The following CADM1 variants were observed in gnomAD, a reference collection of about 807,000 sequenced individuals.
The protein encoded by CADM1 is cell adhesion molecule 1, also known as TSLC-1.
In CADM1, 15 loss-of-function variants were observed where a neutral mutation model predicts 53.1. The observed-to-expected ratio is 0.28, with a 90% confidence interval of 0.19 to 0.44. CADM1 has a LOEUF of 0.44. Among genes scored for constraint, CADM1 ranks in the 20% least tolerant of loss-of-function variants. The pLI, the probability that CADM1 is intolerant of heterozygous loss-of-function variation, is 1.00. For missense variants in CADM1, 434 were observed against 611.3 expected (o/e 0.71, Z 3.06); for synonymous variants, 281 against 243.0 (o/e 1.16, Z -1.45).
At chr11:115,408,024 TG>T (rs894970952) in intron 1 of CADM1, among the ~76,000 whole-genome samples, 1 of 151,754 alleles carries the variant, frequency 6.6e-6, no homozygotes, top group Non-Finnish European at 1.5e-5. Context: ...GGCTGGGTGT[TG>T]GGGGGTGGTA....
intron 1 of CADM1, among the ~76,000 whole-genome samples, chr11:115,503,642 G>A (rs1413673854): frequency 1.3e-5 from 2 of 152,202 alleles, no homozygotes; most frequent in African/African-American, 2.4e-5. Context: ...CGAGGGGGCG[G>A]AGGGCTGCGA....
At chr11:115,306,399 TAAC>T (rs1944376124) in intron 1 of CADM1, among the ~76,000 whole-genome samples, 1 of 151,992 alleles carries the variant, frequency 6.6e-6, no homozygotes, top group South Asian at 2.1e-4. Context: ...CAAAATTGCC[TAAC>T]AACACATTTC....
intron 1 of CADM1, among the ~76,000 whole-genome samples, chr11:115,340,544 A>G (rs1945400627): frequency 6.9e-6 from 1 of 145,524 alleles, no homozygotes; most frequent in Non-Finnish European, 1.5e-5. Flanking sequence ...AAGCCAGGTC[A>G]TAATATACGC....
intron 1 of CADM1, among the ~76,000 whole-genome samples, chr11:115,418,159 G>T (rs537303207): frequency 1.3e-5 from 2 of 152,138 alleles, no homozygotes; most frequent in Admixed American, 1.3e-4. Context: ...GAGAACATTT[G>T]CCTTGCCCAT....
chr11:115,382,481 A>G (rs1946602959), intron 1 of CADM1, among the ~76,000 whole-genome samples: 1 of 152,216 alleles, frequency 6.6e-6, no homozygotes, highest in African/African-American at 2.4e-5. Context: ...TTCAAGAAGA[A>G]CAGTGCTAAA....
intron 1 of CADM1, among the ~76,000 whole-genome samples, chr11:115,352,302 C>T (rs540337427): frequency 1.7e-4 from 26 of 152,264 alleles, no homozygotes; most frequent in Admixed American, 2.6e-4. Context: ...CTTGTCAGCA[C>T]GGAATGATGA....
chr11:115,448,559 A>AT (rs1461300924), intron 1 of CADM1, among the ~76,000 whole-genome samples: 1 of 146,410 alleles, frequency 6.8e-6, no homozygotes, highest in Non-Finnish European at 1.5e-5. Flanking sequence ...AGTAGTAACC[A>AT]TTTTTTCTCA....
intron 1 of CADM1, among the ~76,000 whole-genome samples, chr11:115,488,694 G>C (rs754274168): frequency 3.9e-5 from 6 of 152,176 alleles, no homozygotes; most frequent in Non-Finnish European, 8.8e-5. Flanking sequence ...CCTACTTTCT[G>C]TTTAAAGCTA....
At chr11:115,392,847 A>G (rs1036902281) in intron 1 of CADM1, among the ~76,000 whole-genome samples, 1 of 152,082 alleles carries the variant, frequency 6.6e-6, no homozygotes, top group African/African-American at 2.4e-5. Context: ...AGTATTTACA[A>G]TAGCAAAATT....
intron 1 of CADM1, among the ~76,000 whole-genome samples, chr11:115,399,723 T>G (rs907234873): frequency 6.6e-6 from 1 of 152,172 alleles, no homozygotes; most frequent in African/African-American, 2.4e-5. Context: ...ATTCCAGTCT[T>G]TTTTCTCACC....
intron 7 of CADM1, among the ~76,000 whole-genome samples, chr11:115,214,108 G>C (rs1438650686): frequency 6.6e-6 from 1 of 152,144 alleles, no homozygotes; most frequent in Non-Finnish European, 1.5e-5. Flanking sequence ...GTAGCTACAG[G>C]TGGTTCATGT....
intron 1 of CADM1, among the ~76,000 whole-genome samples, chr11:115,381,893 T>G (rs1380423012): frequency 6.6e-6 from 1 of 152,188 alleles, no homozygotes; most frequent in Admixed American, 6.5e-5. Flanking sequence ...ACACCCATGT[T>G]TGAGTGCAGT....
intron 5 of CADM1, among the ~76,000 whole-genome samples, chr11:115,223,757 A>G (rs1941490885): frequency 6.6e-6 from 1 of 152,168 alleles, no homozygotes; most frequent in Admixed American, 6.6e-5. Context: ...TAGTCCTTAT[A>G]ATATCAGGAA....
chr11:115,334,403 C>T (rs908393475), intron 1 of CADM1, among the ~76,000 whole-genome samples: 3 of 151,882 alleles, frequency 2.0e-5, no homozygotes, highest in Admixed American at 6.6e-5. Flanking sequence ...TGTAGTTTTA[C>T]TTTCTATGGT....
At chr11:115,411,222 C>T (rs887340618) in intron 1 of CADM1, among the ~76,000 whole-genome samples, 1 of 152,064 alleles carries the variant, frequency 6.6e-6, no homozygotes, top group Non-Finnish European at 1.5e-5. Context: ...AAAAATATAA[C>T]GACTACACTA....
chr11:115,445,505 A>T (rs1302782929), intron 1 of CADM1, among the ~76,000 whole-genome samples: 3 of 48,942 alleles, frequency 6.1e-5, no homozygotes, highest in South Asian at 4.1e-4. Flanking sequence ...ATCATTGTTT[A>T]AAAAAAAAAA....
At chr11:115,213,734 TCA>T (rs907124207) in intron 7 of CADM1, among the ~76,000 whole-genome samples, 1 of 152,086 alleles carries the variant, frequency 6.6e-6, no homozygotes, top group African/African-American at 2.4e-5. Context: ...AATACCCCCT[TCA>T]CACACACACA....
chr11:115,334,880 T>C (rs568821331), intron 1 of CADM1, among the ~76,000 whole-genome samples: 1 of 152,144 alleles, frequency 6.6e-6, no homozygotes, highest in African/African-American at 2.4e-5. Context: ...CAAACCAATG[T>C]CAGCCCTTTA....
At chr11:115,297,006 C>A (rs1026124473) in intron 1 of CADM1, among the ~76,000 whole-genome samples, 5 of 152,184 alleles carry the variant, frequency 3.3e-5, no homozygotes, top group Admixed American at 3.3e-4. Flanking sequence ...TAGCAGATTG[C>A]AGCATCTATG....
Sources: gnomAD v4.1 joint callset for allele counts (sites outside exome capture counted in the v4.1 genomes callset) on GRCh38, gnomAD v4.1.1 for gene constraint, MANE v1.5 for transcripts, NCBI Gene and HGNC (gene_info 2026-07-23, HGNC 2026-07-21) for gene names.